The following FCHSD2 variants were observed in gnomAD, a reference collection of about 807,000 sequenced individuals.
The protein encoded by FCHSD2 is F-BAR and double SH3 domains protein 2.
A neutral mutation model predicts 108.1 loss-of-function variants in FCHSD2; 38 were observed. That is an observed-to-expected ratio of 0.35 (90% CI 0.27 to 0.46). FCHSD2 has a LOEUF of 0.46. Ranked by LOEUF, FCHSD2 falls within the 20% of genes least tolerant of loss-of-function variation. FCHSD2 has a pLI of 1.00. For missense variants in FCHSD2, 751 were observed against 897.8 expected (o/e 0.84, Z 2.09); for synonymous variants, 279 against 314.7 (o/e 0.89, Z 1.20).
At chr11:72,990,076 C>T (rs900600740) in intron 5 of FCHSD2, among the ~76,000 whole-genome samples, 2 of 152,126 alleles carry the variant, frequency 1.3e-5, no homozygotes, top group Non-Finnish European at 1.5e-5. Flanking sequence ...GGGGATGAGA[C>T]ATCTAGAAGA....
chr11:73,043,181 CT>C (rs1858682724), intron 3 of FCHSD2, among the ~76,000 whole-genome samples: 1 of 152,160 alleles, frequency 6.6e-6, no homozygotes. Flanking sequence ...ATGATGTTAG[CT>C]GTGCGTCTGT....
chr11:73,044,556 G>A (rs1400204719), intron 3 of FCHSD2, among the ~76,000 whole-genome samples: 2 of 152,146 alleles, frequency 1.3e-5, no homozygotes, highest in Non-Finnish European at 2.9e-5. Flanking sequence ...CAGCCTGGGT[G>A]ACAGAGTGAG....
At chr11:72,867,718 AATT>A in intron 13 of FCHSD2, 144 bp downstream of exon 13, 1 of 627,176 alleles carries the variant, frequency 1.6e-6, no homozygotes. Context: ...ATTTTAAATC[AATT>A]AGTGATAGGC....
At chr11:72,945,218 A>C (rs923100769) in intron 8 of FCHSD2, among the ~76,000 whole-genome samples, 62 of 152,344 alleles carry the variant, frequency 4.1e-4, no homozygotes, top group East Asian at 9.6e-4. Context: ...CCAATGGAAC[A>C]GAACAGAGCC....
At chr11:72,913,427 C>T (rs373552324) in intron 9 of FCHSD2, among the ~76,000 whole-genome samples, 8 of 152,284 alleles carry the variant, frequency 5.3e-5, no homozygotes, top group African/African-American at 1.9e-4. Flanking sequence ...TGCCACCACA[C>T]TTGGATAATT....
intron 8 of FCHSD2, among the ~76,000 whole-genome samples, chr11:72,969,008 T>C (rs1207832011): frequency 6.6e-6 from 1 of 152,252 alleles, no homozygotes; most frequent in Non-Finnish European, 1.5e-5. Context: ...TTTAATGATA[T>C]ACACACATAT....
intron 3 of FCHSD2, among the ~76,000 whole-genome samples, chr11:73,082,666 A>G (rs1291099179): frequency 6.6e-6 from 1 of 152,166 alleles, no homozygotes; most frequent in Non-Finnish European, 1.5e-5. Context: ...AATAGTGGTT[A>G]CCATGTAGAA....
chr11:72,888,034 T>G (rs1379408223), intron 11 of FCHSD2, among the ~76,000 whole-genome samples: 2 of 152,168 alleles, frequency 1.3e-5, no homozygotes, highest in Non-Finnish European at 2.9e-5. Context: ...GGCCCAATGT[T>G]GAAGATGTTA....
At chr11:73,113,694 T>C (rs1860544561) in intron 2 of FCHSD2, among the ~76,000 whole-genome samples, 1 of 152,178 alleles carries the variant, frequency 6.6e-6, no homozygotes, top group South Asian at 2.1e-4. Flanking sequence ...GGGAAAGTTT[T>C]CCAGGCATTT....
intron 4 of FCHSD2, among the ~76,000 whole-genome samples, chr11:73,009,449 A>G (rs1358180256): frequency 1.3e-5 from 2 of 152,172 alleles, no homozygotes; most frequent in East Asian, 3.8e-4. Context: ...GTGAGCCAAG[A>G]TCATGCCACC....
At chr11:72,923,487 T>A (rs916728143) in intron 8 of FCHSD2, among the ~76,000 whole-genome samples, 2 of 152,172 alleles carry the variant, frequency 1.3e-5, no homozygotes, top group African/African-American at 2.4e-5. Flanking sequence ...ATTTTTTTTT[T>A]AAATTATGAA....
chr11:73,130,456 T>C (rs1860970811), intron 2 of FCHSD2, among the ~76,000 whole-genome samples: 1 of 152,210 alleles, frequency 6.6e-6, no homozygotes, highest in African/African-American at 2.4e-5. Flanking sequence ...CTTAGTTTAA[T>C]ACCATCAAGT....
At chr11:73,074,057 A>C (rs1859491943) in intron 3 of FCHSD2, among the ~76,000 whole-genome samples, 1 of 152,198 alleles carries the variant, frequency 6.6e-6, no homozygotes, top group African/African-American at 2.4e-5. Context: ...TATTGTTATA[A>C]AGACAAAGTA....
chr11:73,055,548 A>C (rs1266356333), intron 3 of FCHSD2, among the ~76,000 whole-genome samples: 1 of 152,202 alleles, frequency 6.6e-6, no homozygotes, highest in African/African-American at 2.4e-5. Context: ...AAGTCATCAA[A>C]AGATACTGAT....
At chr11:72,877,093 T>C (rs774059276) in intron 12 of FCHSD2, among the ~76,000 whole-genome samples, 1 of 151,950 alleles carries the variant, frequency 6.6e-6, no homozygotes, top group Non-Finnish European at 1.5e-5. Flanking sequence ...CTCATCCTCC[T>C]ACCTCACCTC....
At chr11:73,018,240 C>T (rs1206360987) in intron 3 of FCHSD2, among the ~76,000 whole-genome samples, 1 of 152,134 alleles carries the variant, frequency 6.6e-6, no homozygotes, top group Non-Finnish European at 1.5e-5. Context: ...TGTTGTTTTA[C>T]AGTTCCTGGC....
chr11:73,120,550 T>G (rs992152344), intron 2 of FCHSD2, among the ~76,000 whole-genome samples: 2 of 151,894 alleles, frequency 1.3e-5, no homozygotes, highest in African/African-American at 4.8e-5. Flanking sequence ...ACCAACATGG[T>G]GAAACCCCGT....
At chr11:73,110,858 G>T (rs1321930704) in intron 2 of FCHSD2, among the ~76,000 whole-genome samples, 1 of 151,894 alleles carries the variant, frequency 6.6e-6, no homozygotes, top group Admixed American at 6.6e-5. Context: ...TGGGTTGTTG[G>T]TATGTCATGT....
chr11:72,854,832 T>G (rs1259344168), intron 13 of FCHSD2, among the ~76,000 whole-genome samples: 1 of 152,212 alleles, frequency 6.6e-6, no homozygotes, highest in Non-Finnish European at 1.5e-5. Context: ...TTACTTTTGC[T>G]AGATGAAAAG....
Sources: allele counts gnomAD v4.1 joint callset (sites outside exome capture counted in the v4.1 genomes callset), GRCh38; gene constraint gnomAD v4.1.1; transcripts MANE v1.5; gene names NCBI Gene and HGNC (gene_info 2026-07-23, HGNC 2026-07-21).